The following FBXL20 variants were observed in gnomAD, a reference collection of about 807,000 sequenced individuals.
FBXL20 encodes the protein F-box and leucine rich repeat protein 20, also known as F-box/LRR-repeat protein 20.
In FBXL20, 11 loss-of-function variants were observed where a neutral mutation model predicts 64.0. The ratio of observed to expected loss-of-function variants is 0.17; its 90% confidence interval spans 0.11 to 0.28. The LOEUF (loss-of-function observed/expected upper bound fraction) is 0.28, where lower values mean the gene tolerates loss of function less well. Ranked by LOEUF, FBXL20 falls within the 10% of genes least tolerant of loss-of-function variation. The pLI, the probability that FBXL20 is intolerant of heterozygous loss-of-function variation, is 1.00. For synonymous variants in FBXL20, 184 were observed against 189.0 expected (o/e 0.97, Z 0.22); for missense variants, 303 against 526.2 (o/e 0.58, Z 4.15).
At chr17:39,285,330 G>T in intron 7 of FBXL20, 148 bp downstream of exon 7, 1 of 450,580 alleles carries the variant, frequency 2.2e-6, no homozygotes, top group Non-Finnish European at 3.8e-6. Flanking sequence ...ATTGTAATTT[G>T]GGCAAGTGGT....
At chr17:39,350,316 C>A (rs576594060) in intron 1 of FBXL20, among the ~76,000 whole-genome samples, 2 of 152,062 alleles carry the variant, frequency 1.3e-5, no homozygotes, top group African/African-American at 4.8e-5. Flanking sequence ...ATGGAGAAAC[C>A]CCATCTCTAC....
Position 39,275,514 on chromosome 17 carries a change from C to T in FBXL20, c.697-414G>A, listed in dbSNP as rs536954048. On this transcript the variant is annotated intron_variant, in intron 9 of 14. Coordinates refer to ENST00000264658, the MANE Select transcript of FBXL20 (RefSeq NM_032875.3). ...GCAACCTCCACCTCCCAGGTTCAAG[C>T]GATTCTCGTGCCTCAGCCTCCTGAC... Among the ~76,000 whole-genome samples, 963 of 152,058 alleles carry T rather than the reference C, an allele frequency of 6.3e-3. 17 individuals carry two copies. The highest frequency in any genetic ancestry group is 0.022 in the African/African-American group (921 of 41,486).
chr17:39,401,747 G>C (rs1597845198), upstream of FBXL20: 4 of 1,078,274 alleles, frequency 3.7e-6, no homozygotes, highest in African/African-American at 6.7e-5. Flanking sequence ...GAGGGGAGGA[G>C]CGCGGCGGCG....
At chr17:39,343,154 C>A (rs771473196) in intron 2 of FBXL20, 26 bp downstream of exon 2, 52 of 1,549,782 alleles carry the variant, frequency 3.4e-5, no homozygotes, top group Non-Finnish European at 4.0e-5. Context: ...CATAAAAAAA[C>A]CCATAAAATT....
At position 39,292,014 on chromosome 17, in the gene FBXL20, A is replaced by G. The variant is rs910988186; in HGVS notation, c.398+5113T>C. Among the ~76,000 whole-genome samples, 13 of 147,686 alleles carry G rather than the reference A, an allele frequency of 8.8e-5. 1 individual carries two copies. Among genetic ancestry groups the G allele is most frequent in the African/African-American group, 3.1e-4 (12 of 38,364 alleles). ...TTTTAATCCTTCCAAATGTATTAAAATTTGTTTTATGGCTCATTATTTGGT... is the reference window on the plus strand; with the variant it reads ...TTTTAATCCTTCCAAATGTATTAAAGTTTGTTTTATGGCTCATTATTTGGT... On this transcript the variant is annotated intron_variant, in intron 6 of 14. Transcript: ENST00000264658.
chr17:39,352,007 TAG>T (rs1161194259), intron 1 of FBXL20, among the ~76,000 whole-genome samples: 2 of 152,218 alleles, frequency 1.3e-5, no homozygotes, highest in African/African-American at 4.8e-5. Flanking sequence ...TATCATCTAA[TAG>T]AGTTTGTGAA....
intron 10 of FBXL20, among the ~76,000 whole-genome samples, chr17:39,272,561 G>T (rs1369181496): frequency 6.6e-6 from 1 of 151,432 alleles, no homozygotes; most frequent in Non-Finnish European, 1.5e-5. Context: ...AATTGGCCAG[G>T]CATGGTAGCG....
Position 39,314,951 on chromosome 17 carries a change from C to G in FBXL20, c.105-11312G>C, listed in dbSNP as rs377709256. Among the ~76,000 whole-genome samples the G allele has an allele frequency of 2.6e-5, 4 of 152,028 alleles. No homozygotes were observed. The East Asian group carries it at 5.8e-4, about 22-fold the overall frequency. ...TAGCTGGGATTACAGGTGTACACTA[C>G]CACACCCGGCTAATTTGTGTATTTT... On this transcript the variant is annotated intron_variant, in intron 2 of 14. Transcript: ENST00000264658.
At chr17:39,296,242 G>A (rs527631377) in intron 6 of FBXL20, among the ~76,000 whole-genome samples, 21 of 152,044 alleles carry the variant, frequency 1.4e-4, no homozygotes, top group Non-Finnish European at 2.5e-4. Flanking sequence ...CACAGTAAAC[G>A]TTTCCAAATC....
intron 2 of FBXL20, among the ~76,000 whole-genome samples, chr17:39,331,014 A>G (rs984607406): frequency 6.6e-6 from 1 of 152,250 alleles, no homozygotes; most frequent in African/African-American, 2.4e-5. Context: ...TACCTGAATC[A>G]AAGTCCTTTT....
intron 1 of FBXL20, among the ~76,000 whole-genome samples, chr17:39,356,822 A>ATT (rs36030405): frequency 0.015 from 2,199 of 145,312 alleles, 60 homozygotes; most frequent in African/African-American, 0.052. Flanking sequence ...CACCTGGCTA[A>ATT]TTTTTTTTTT....
intron 1 of FBXL20, among the ~76,000 whole-genome samples, chr17:39,359,336 T>G (rs1203662827): frequency 1.3e-5 from 2 of 151,928 alleles, no homozygotes; most frequent in African/African-American, 2.4e-5. Flanking sequence ...AGCAAGATCC[T>G]GTCTCAAAAA....
rs80297436 is a variant in FBXL20 at position 39,389,419 on chromosome 17, G to C, written c.42+11942C>G. Among the ~76,000 whole-genome samples the C allele has an allele frequency of 6.2e-3, 947 of 152,202 alleles. 5 individuals are homozygous for C. Among genetic ancestry groups the C allele is most frequent in the Non-Finnish European group, 9.8e-3 (669 of 68,026 alleles). On this transcript the variant is annotated intron_variant, in intron 1 of 14. Coordinates refer to ENST00000264658, the MANE Select transcript of FBXL20 (RefSeq NM_032875.3). Reference sequence around the variant, plus strand: ...CAAACGATTTTCAAAAAGCTGATAAGGACGAATGTCGGGAAAGGGTATTGG... The same window carrying C: ...CAAACGATTTTCAAAAAGCTGATAACGACGAATGTCGGGAAAGGGTATTGG...
intron 14 of FBXL20, among the ~76,000 whole-genome samples, chr17:39,262,431 C>T (rs547689288): frequency 6.6e-6 from 1 of 152,132 alleles, no homozygotes; most frequent in South Asian, 2.1e-4. Context: ...CAGGCACCTG[C>T]CACCATGCTC....
intron 1 of FBXL20, among the ~76,000 whole-genome samples, chr17:39,370,771 G>C (rs952089356): frequency 1.3e-5 from 2 of 150,260 alleles, no homozygotes; most frequent in Non-Finnish European, 3.0e-5. Context: ...CTCCAGCCTG[G>C]GCGACAGAGC....
chr17:39,326,381 C>T (rs1038995588), intron 2 of FBXL20, among the ~76,000 whole-genome samples: 1 of 151,914 alleles, frequency 6.6e-6, no homozygotes, highest in South Asian at 2.1e-4. Flanking sequence ...AATTCTTGGT[C>T]AGGTACAGTG....
At chr17:39,367,283 T>C (rs1476561994) in intron 1 of FBXL20, among the ~76,000 whole-genome samples, 1 of 151,874 alleles carries the variant, frequency 6.6e-6, no homozygotes, top group African/African-American at 2.4e-5. Context: ...TTCCTATTAG[T>C]CAAACATTGG....
chr17:39,401,424 G>C lies in FBXL20; in HGVS notation c.-22C>G. ...TCATGGGGCCGGCGGGTGCGGCCCG[G>C]GCCGGGCGCTGCGGCGAGCGGAGTG... On this transcript the variant is annotated 5_prime_UTR_variant, in exon 1 of 15. Coordinates refer to ENST00000264658, the MANE Select transcript of FBXL20 (RefSeq NM_032875.3). 1.3e-6 allele frequency: 2 copies of C among 1,586,252 alleles called. No homozygotes were observed. The highest frequency in any genetic ancestry group is 1.7e-6 in the Non-Finnish European group (2 of 1,167,906).
intron 6 of FBXL20, among the ~76,000 whole-genome samples, chr17:39,294,144 AT>A (rs553479627): frequency 4.5e-4 from 65 of 144,798 alleles, no homozygotes; most frequent in Middle Eastern, 7.1e-3. Flanking sequence ...GTCTACTTGG[AT>A]TTTTTTTTTT....
Sources: gnomAD v4.1 joint callset for allele counts (sites outside exome capture counted in the v4.1 genomes callset) on GRCh38, gnomAD v4.1.1 for gene constraint, MANE v1.5 for transcripts, NCBI Gene and HGNC (gene_info 2026-07-23, HGNC 2026-07-21) for gene names.